Variants in YTHDF2 observed in about 807,000 individuals in gnomAD.
The protein encoded by YTHDF2 is YTH domain-containing family protein 2.
YTHDF2 carries 2 observed loss-of-function variants against 50.4 expected under a neutral mutation model. That is an observed-to-expected ratio of 0.04 (90% confidence interval 0.02 to 0.12). The LOEUF is 0.12. YTHDF2 is among the 10% of genes least tolerant of loss of function. The pLI is 1.00. For synonymous variants in YTHDF2, 217 were observed against 255.6 expected, an observed-to-expected ratio of 0.85 and a Z score of 1.44; for missense variants, 483 against 722.6, an observed-to-expected ratio of 0.67 and a Z score of 3.80.
intron 4 of YTHDF2, among the ~76,000 whole-genome samples, chr1:28,762,699 G>A (rs962042059): frequency 3.3e-5 from 5 of 152,196 alleles, no homozygotes; most frequent in African/African-American, 9.7e-5. Context: ...AGCTTAAATA[G>A]AGGGAAGCTA....
At chr1:28,747,236 A>G (rs2087877935) in intron 4 of YTHDF2, among the ~76,000 whole-genome samples, 1 of 152,122 alleles carries the variant, frequency 6.6e-6, no homozygotes, top group African/African-American at 2.4e-5. Context: ...GTGCAATAGT[A>G]AACAGAATTT....
At chr1:28,754,111 T>C (rs573808841) in intron 4 of YTHDF2, among the ~76,000 whole-genome samples, 1 of 152,258 alleles carries the variant, frequency 6.6e-6, no homozygotes, top group Non-Finnish European at 1.5e-5. Flanking sequence ...TTACTGAGCA[T>C]TGACCTTGTT....
intron 3 of YTHDF2, chr1:28,740,356 G>T (rs1429484552): frequency 6.6e-6 from 1 of 152,168 alleles, no homozygotes; most frequent in African/African-American, 2.4e-5. Flanking sequence ...CTGTGTCTTG[G>T]CATAACCTGT....
intron 4 of YTHDF2, among the ~76,000 whole-genome samples, chr1:28,761,239 T>C (rs1465231676): frequency 6.7e-6 from 1 of 149,846 alleles, no homozygotes; most frequent in Non-Finnish European, 1.5e-5. Context: ...GGCTTAAGCA[T>C]ACTTTTTCTT....
rs1039616291 is a variant in YTHDF2, at chr1:28,768,960, T to C, written c.*8T>C. The C allele has an allele frequency of 6.3e-7, 1 of 1,584,860 alleles. No homozygotes were observed. Among genetic ancestry groups the C allele is most frequent in the East Asian group, 2.3e-5 (1 of 44,278 alleles). ...CAAGGTCGTGGGAAATAAAAGGCAGTTCTACACAGACTGCAGCAACGGTTG... is the reference window on the plus strand; with the variant it reads ...CAAGGTCGTGGGAAATAAAAGGCAGCTCTACACAGACTGCAGCAACGGTTG... On this transcript the variant is annotated 3_prime_UTR_variant, in exon 5 of 5. Transcript: ENST00000373812.
chr1:28,739,299 C>T (rs796457866), intron 3 of YTHDF2: 5 of 150,792 alleles, frequency 3.3e-5, no homozygotes, highest in South Asian at 2.1e-4. Context: ...AGAACTATTT[C>T]GGAGTTAGGA....
intron 4 of YTHDF2, among the ~76,000 whole-genome samples, chr1:28,751,739 C>T (rs970107222): frequency 1.3e-5 from 2 of 152,044 alleles, no homozygotes; most frequent in Non-Finnish European, 2.9e-5. Flanking sequence ...ACCATCTTTG[C>T]CTTAGAAGCA....
At chr1:28,748,600 A>T (rs2087900759) in intron 4 of YTHDF2, among the ~76,000 whole-genome samples, 1 of 152,232 alleles carries the variant, frequency 6.6e-6, no homozygotes, top group African/African-American at 2.4e-5. Flanking sequence ...TCTAATTAAC[A>T]TAGAACCTTC....
At chr1:28,763,311 T>C (rs2088162149) in intron 4 of YTHDF2, among the ~76,000 whole-genome samples, 1 of 152,066 alleles carries the variant, frequency 6.6e-6, no homozygotes. Flanking sequence ...TTTTGCTCTT[T>C]TGCCCAGGCT....
intron 4 of YTHDF2, among the ~76,000 whole-genome samples, chr1:28,745,297 A>G (rs1053661381): frequency 6.6e-6 from 1 of 152,194 alleles, no homozygotes; most frequent in African/African-American, 2.4e-5. Context: ...ACAGATTAAT[A>G]AGAAATGGGA....
chr1:28,737,042 C>T lies in YTHDF2; in HGVS notation c.-79C>T, dbSNP rs2124622542. The T allele has an allele frequency of 2.0e-6, 3 of 1,528,702 alleles. No homozygotes were observed. Among genetic ancestry groups the T allele is most frequent in the East Asian group, 2.5e-5 (1 of 40,456 alleles). 94.7% of individuals were successfully genotyped at this position (1,528,702 alleles called of 1,614,324 possible). A position where few individuals can be genotyped will look rare whatever the true frequency, so the allele number is the denominator to read the frequency against. On this transcript the variant is annotated 5_prime_UTR_variant, in exon 1 of 5. Transcript: ENST00000373812. ...AGGGACAAAAGCCTCCGCCTGCTCC[C>T]GCAGACGGGGCTCATCTGCCGCCGC...
chr1:28,760,620 C>T (rs1008305273), intron 4 of YTHDF2, among the ~76,000 whole-genome samples: 4 of 151,710 alleles, frequency 2.6e-5, no homozygotes, highest in South Asian at 2.1e-4. Flanking sequence ...CTCTGTTGCC[C>T]GGGCTGGAGT....
At position 28,738,374 on chromosome 1, in the gene YTHDF2, G is replaced by T. The variant is rs199956981; in HGVS notation, c.132+36G>T. The T allele has an allele frequency of 1.9e-5, 29 of 1,514,736 alleles. 1 individual carries two copies. In the East Asian group the frequency reaches 2.5e-4, roughly 13 times the overall value. The allele number at this position is 1,514,736 out of a possible 1,614,324, so 93.8% of individuals were successfully genotyped here. ...AACTATTTACATATCTAATCGAAGG[G>T]TGTGGTATATTCTTTCTCCGCCTTC... On this transcript the variant is annotated intron_variant, in intron 3 of 4. Coordinates refer to ENST00000373812, the MANE Select transcript of YTHDF2 (RefSeq NM_016258.3).
At chr1:28,744,783 C>G (rs2087833868) in intron 4 of YTHDF2, among the ~76,000 whole-genome samples, 1 of 152,096 alleles carries the variant, frequency 6.6e-6, no homozygotes, top group Admixed American at 6.6e-5. Context: ...ATCCCCCCAT[C>G]TCAGCTTCGT....
At chr1:28,742,226 C>T (rs1338730889) in intron 3 of YTHDF2, among the ~76,000 whole-genome samples, 177 bp from the exon 4 acceptor site, 3 of 152,042 alleles carry the variant, frequency 2.0e-5, no homozygotes, top group Non-Finnish European at 4.4e-5. Context: ...AGCTCCTGAC[C>T]TCAGGTGATC....
At position 28,743,917 on chromosome 1, in the gene YTHDF2, C is replaced by A. The variant is rs767977349; in HGVS notation, c.1647C>A (p.His549Gln). ...QVLKIIASYK[H>Q]TTSIFDDFSH... ...TGAAAATTATAGCCAGCTACAAGCA[C>A]ACCACTTCCATTTTTGATGACTTCT... is the stretch of plus-strand genomic sequence containing the variant. Residue 549 changes from histidine to glutamine, a missense_variant, in exon 4 of 5, where the codon CAC becomes CAA. Physicochemically the swap from His to Gln is conservative, Grantham distance 24 (BLOSUM62 0). Around this residue, in one of 4 missense-constraint regions of YTHDF2, gnomAD observed 38 missense variants for 60.1 expected, o/e 0.63. Transcript: ENST00000373812. This position sits in a 1 kb window ranked among gnomAD's most constrained non-coding sequence, Gnocchi z 6.9. 4 of 1,594,152 alleles carry A rather than the reference C, an allele frequency of 2.5e-6. No homozygotes were observed. Among genetic ancestry groups the A allele is most frequent in the Admixed American group, 1.8e-5 (1 of 55,496 alleles).
intron 1 of YTHDF2, 136 bp from the exon 2 acceptor site, chr1:28,737,522 T>C (rs973080007): frequency 7.4e-6 from 9 of 1,217,716 alleles, no homozygotes; most frequent in South Asian, 1.5e-5. Context: ...TTCAGCCTCT[T>C]CCTCACTACC....
chr1:28,748,582 C>T (rs898879560), intron 4 of YTHDF2, among the ~76,000 whole-genome samples: 12 of 152,358 alleles, frequency 7.9e-5, no homozygotes, highest in Middle Eastern at 6.8e-3. Flanking sequence ...CTGACTTGTT[C>T]TGCATGATCT....
intron 4 of YTHDF2, among the ~76,000 whole-genome samples, chr1:28,756,869 G>C (rs961945724): frequency 1.3e-5 from 2 of 152,060 alleles, no homozygotes; most frequent in African/African-American, 4.8e-5. Flanking sequence ...TTTATGCAGA[G>C]GAGAAAAAAA....
Sources: gnomAD v4.1 joint callset for allele counts (sites outside exome capture counted in the v4.1 genomes callset) on GRCh38, gnomAD v4.1.1 for gene constraint, gnomAD v4.1.1 regional missense constraint, Gnocchi (gnomAD v3.1) non-coding constraint, MANE v1.5 for transcripts, NCBI Gene and HGNC (gene_info 2026-07-23, HGNC 2026-07-21) for gene names.